Variants in TTC28 observed in about 807,000 individuals in gnomAD.
The protein encoded by TTC28 is tetratricopeptide repeat domain 28.
Under a neutral mutation model 198.0 loss-of-function variants are expected in TTC28, and 61 were observed. That is an observed-to-expected ratio of 0.31 (90% confidence interval 0.25 to 0.38). TTC28 has a LOEUF of 0.38. TTC28 is among the 10% of genes least tolerant of loss of function. The pLI, the probability that TTC28 is intolerant of heterozygous loss-of-function variation, is 1.00. For synonymous variants in TTC28, 1,171 were observed against 1,297.8 expected, an observed-to-expected ratio of 0.90 and a Z score of 2.10; for missense variants, 2,678 against 3,164.0, an observed-to-expected ratio of 0.85 and a Z score of 3.69.
At chr22:28,048,956 G>A (rs1429986650) in intron 12 of TTC28, among the ~76,000 whole-genome samples, 1 of 152,096 alleles carries the variant, frequency 6.6e-6, no homozygotes, top group Non-Finnish European at 1.5e-5. Flanking sequence ...GTGGCCAAAA[G>A]GGAGCTCTCC....
At chr22:28,511,054 TC>T (rs1232368826) in intron 2 of TTC28, among the ~76,000 whole-genome samples, 1 of 152,174 alleles carries the variant, frequency 6.6e-6, no homozygotes, top group Non-Finnish European at 1.5e-5. Context: ...ATAGGAATAA[TC>T]AATACTCATG....
chr22:28,235,303 C>T (rs928802134), intron 5 of TTC28, among the ~76,000 whole-genome samples: 6 of 152,198 alleles, frequency 3.9e-5, no homozygotes, highest in African/African-American at 1.2e-4. Flanking sequence ...GATCTGTTGC[C>T]TTCCCTCAAC....
At chr22:28,053,148 C>T (rs936793853) in intron 12 of TTC28, among the ~76,000 whole-genome samples, 2 of 152,222 alleles carry the variant, frequency 1.3e-5, no homozygotes, top group African/African-American at 4.8e-5. Context: ...ATGCAAAGAA[C>T]GAAATGGCTT....
Position 27,982,622 on chromosome 22 carries a change from C to G in TTC28, c.7045G>C (p.Ala2349Pro), listed in dbSNP as rs1937060631. The part of the protein sequence containing the change: ...APDIDKLKMA[A>P]IDEKVQAVHN... ...ACAGCCTGCACCTTTTCATCAATGG[C>G]TGCCATTTTCAGTTTGTCTATGTCG... The change falls in exon 23 of 23, where the codon GCC becomes CCC. Residue 2349 changes from alanine to proline, a missense_variant. This residue lies in a region of TTC28 where 622 missense variants were observed against 656.0 expected (regional missense o/e 0.95). Coordinates refer to ENST00000397906, the MANE Select transcript of TTC28 (RefSeq NM_001145418.2). The surrounding 1 kb of genome is among the most constrained non-coding windows in gnomAD (Gnocchi z 5.2). 1.3e-6 allele frequency: 2 copies of G among 1,551,610 alleles called. No individual in the cohort carries two copies. Among genetic ancestry groups the G allele is most frequent in the African/African-American group, 2.7e-5 (2 of 73,014 alleles).
At chr22:28,440,471 A>G (rs2047603086) in intron 2 of TTC28, among the ~76,000 whole-genome samples, 1 of 152,200 alleles carries the variant, frequency 6.6e-6, no homozygotes, top group Admixed American at 6.5e-5. Flanking sequence ...ATGCTCCATT[A>G]GAAACAAAGA....
chr22:28,234,498 G>A (rs1929083031), intron 5 of TTC28, among the ~76,000 whole-genome samples: 1 of 151,846 alleles, frequency 6.6e-6, no homozygotes. Context: ...TCAGCCTCCT[G>A]AGTAGCTGGG....
intron 5 of TTC28, among the ~76,000 whole-genome samples, chr22:28,167,035 T>C (rs1922053825): frequency 6.6e-6 from 1 of 152,206 alleles, no homozygotes; most frequent in African/African-American, 2.4e-5. Context: ...CAGAGAATAC[T>C]ATAAACACCT....
chr22:28,155,539 G>C (rs1349087521), intron 6 of TTC28, among the ~76,000 whole-genome samples: 5 of 152,176 alleles, frequency 3.3e-5, no homozygotes, highest in Non-Finnish European at 7.3e-5. Context: ...GACTAAAGAA[G>C]TTATATTGTT....
At position 27,991,645 on chromosome 22, in the gene TTC28, C is replaced by T. The variant is rs141908454; in HGVS notation, c.5554-833G>A. On this transcript the variant is annotated intron_variant, in intron 19 of 22. Coordinates refer to ENST00000397906, the MANE Select transcript of TTC28 (RefSeq NM_001145418.2). The stretch of plus-strand genomic sequence containing the variant: ...CATATATTACTTTTTCAAATTGTTA[C>T]ACTCCAAAATGGCCAGAAAAGCAAC... Among the ~76,000 whole-genome samples, 9 of 152,268 alleles carry T rather than the reference C, an allele frequency of 5.9e-5. No individual in the cohort carries two copies. The East Asian group carries it at 9.7e-4, about 16-fold the overall frequency.
Position 28,132,332 on chromosome 22 carries a change from C to A in TTC28, c.1442-23929G>T, listed in dbSNP as rs1429088298. ...ATGGAGAGACACATTTATCACCAGT[C>A]ATCCAGCAGTCTGAATATACTTCAA... On this transcript the variant is annotated intron_variant, in intron 6 of 22. Coordinates refer to ENST00000397906, the MANE Select transcript of TTC28 (RefSeq NM_001145418.2). 2.6e-5 allele frequency among the ~76,000 whole-genome samples: 4 copies of A among 152,316 alleles called. No individual in the cohort carries two copies. The South Asian group carries it at 8.3e-4, about 32-fold the overall frequency.
intron 2 of TTC28, among the ~76,000 whole-genome samples, chr22:28,315,723 A>G (rs924970890): frequency 3.9e-5 from 6 of 152,056 alleles, no homozygotes; most frequent in South Asian, 2.1e-4. Context: ...TAGACTCTCT[A>G]TTCTGTTCTA....
intron 13 of TTC28, among the ~76,000 whole-genome samples, chr22:28,026,869 G>A (rs986465421): frequency 6.6e-6 from 1 of 152,226 alleles, no homozygotes; most frequent in African/African-American, 2.4e-5. Flanking sequence ...GACCTAGGAT[G>A]CTTGTTGCGC....
At chr22:28,259,314 G>A (rs1931163776) in intron 5 of TTC28, among the ~76,000 whole-genome samples, 1 of 151,958 alleles carries the variant, frequency 6.6e-6, no homozygotes, top group Non-Finnish European at 1.5e-5. Context: ...AATAAAAATG[G>A]ATTTAATAAA....
chr22:28,579,706 G>A (rs973066668), intron 2 of TTC28, among the ~76,000 whole-genome samples: 3 of 151,612 alleles, frequency 2.0e-5, no homozygotes, highest in Admixed American at 6.6e-5. Context: ...AGTGGCTCAC[G>A]CCTATAATCC....
intron 1 of TTC28, among the ~76,000 whole-genome samples, chr22:28,660,391 T>A (rs967958158): frequency 6.6e-6 from 1 of 152,200 alleles, no homozygotes; most frequent in South Asian, 2.1e-4. Flanking sequence ...AGTGGCACCA[T>A]CTCAGCTCAC....
chr22:28,200,133 A>G (rs1203090708), intron 5 of TTC28, among the ~76,000 whole-genome samples: 1 of 152,148 alleles, frequency 6.6e-6, no homozygotes, highest in Admixed American at 6.5e-5. Flanking sequence ...GCTGGAATAC[A>G]GTGGCTATTC....
chr22:28,248,606 A>C (rs1569220521), intron 5 of TTC28, among the ~76,000 whole-genome samples: 1 of 152,140 alleles, frequency 6.6e-6, no homozygotes. Context: ...TGCTGATTGC[A>C]GCTCTGTCCT....
chr22:28,632,827 T>C (rs2051201213), intron 1 of TTC28, among the ~76,000 whole-genome samples: 1 of 151,456 alleles, frequency 6.6e-6, no homozygotes. Context: ...CTACTTCTCA[T>C]AAAGAATTGC....
At chr22:28,226,745 A>T (rs1403673959) in intron 5 of TTC28, among the ~76,000 whole-genome samples, 1 of 151,962 alleles carries the variant, frequency 6.6e-6, no homozygotes, top group Non-Finnish European at 1.5e-5. Flanking sequence ...GCATTTTTTA[A>T]TGTTGTTTTT....
Sources: gnomAD v4.1 joint callset for allele counts (sites outside exome capture counted in the v4.1 genomes callset) on GRCh38, gnomAD v4.1.1 for gene constraint, gnomAD v4.1.1 regional missense constraint, Gnocchi (gnomAD v3.1) non-coding constraint, MANE v1.5 for transcripts, NCBI Gene and HGNC (gene_info 2026-07-23, HGNC 2026-07-21) for gene names.